Variants in AP2S1 observed in about 807,000 individuals in gnomAD.
AP2S1 encodes AP-2 complex subunit sigma.
A neutral mutation model predicts 21.0 loss-of-function variants in AP2S1; 6 were observed. The observed-to-expected ratio is 0.29, with a 90% CI of 0.16 to 0.56. The LOEUF is 0.56. Among genes scored for constraint, AP2S1 ranks in the 20% least tolerant of loss-of-function variants. The pLI is 0.92. For synonymous variants in AP2S1, 63 were observed against 74.6 expected, an observed-to-expected ratio of 0.84 and a Z score of 0.80; for missense variants, 60 against 186.2, an observed-to-expected ratio of 0.32 and a Z score of 3.95.
chr19:46,848,509 T>A (rs1416062258), intron 1 of AP2S1, among the ~76,000 whole-genome samples: 2 of 152,218 alleles, frequency 1.3e-5, no homozygotes, highest in African/African-American at 2.4e-5. Context: ...GGCCAAAGCT[T>A]ACTCCATTAG....
At chr19:46,842,271 A>G (rs1290261330) in intron 2 of AP2S1, among the ~76,000 whole-genome samples, 1 of 152,054 alleles carries the variant, frequency 6.6e-6, no homozygotes, top group Non-Finnish European at 1.5e-5. Flanking sequence ...CCCTCCAGGA[A>G]GCCCTCCAGA....
In AP2S1 at chr19:46,846,071, A is replaced by G. The variant is rs150080027; in HGVS notation, c.75T>C (p.Asp25=). 1.1e-3 allele frequency: 1,770 copies of G among 1,614,074 alleles called. 6 individuals are homozygous for G. Among genetic ancestry groups the G allele is most frequent in the Admixed American group, 1.9e-3 (111 of 60,000 alleles). The change falls in exon 2 of 5, where the codon GAT becomes GAC. Residue 25 remains aspartate (D), a synonymous_variant. Transcript: ENST00000263270. ...RLAKWYMQFD[D]DEKQKLIEEV... The stretch of plus-strand genomic sequence containing the variant: ...CCTCGATCAGCTTCTGTTTCTCATC[A>G]TCATCAAACTGCATGTACCACTTGG...
chr19:46,842,700 A>G (rs2055545425), intron 2 of AP2S1, among the ~76,000 whole-genome samples: 1 of 151,956 alleles, frequency 6.6e-6, no homozygotes, highest in Non-Finnish European at 1.5e-5. Context: ...ACACAGCCAG[A>G]ACACCCGACA....
At chr19:46,841,813 A>T (rs1349885805) in intron 2 of AP2S1, among the ~76,000 whole-genome samples, 1 of 152,226 alleles carries the variant, frequency 6.6e-6, no homozygotes, top group Non-Finnish European at 1.5e-5. Context: ...TGGGGCGATA[A>T]TCCTGGATGG....
At chr19:46,844,608 G>C (rs1202477745) in intron 2 of AP2S1, among the ~76,000 whole-genome samples, 1 of 149,654 alleles carries the variant, frequency 6.7e-6, no homozygotes, top group Non-Finnish European at 1.5e-5. Context: ...GACCAGCCTG[G>C]GCAACATGGT....
Position 46,838,737 on chromosome 19 carries a change from T to C in AP2S1, c.327+3A>G, listed in dbSNP as rs565613118. On this transcript the variant is annotated splice_donor_region_variant and intron_variant, in intron 4 of 4. Transcript: ENST00000263270. This position sits in a 1 kb window ranked among gnomAD's most constrained non-coding sequence, Gnocchi z 4.1. ...TTCAGCCTCCTCTTCACCAGGAGCC[T>C]ACCTTGTAGAAGTTGAACACCAGGT... The C allele has an allele frequency of 6.2e-7, 1 of 1,612,862 alleles. No individual in the cohort carries two copies. The highest frequency in any genetic ancestry group is 1.1e-5 in the South Asian group (1 of 90,976).
intron 1 of AP2S1, among the ~76,000 whole-genome samples, chr19:46,848,830 A>G (rs1342473098): frequency 6.6e-6 from 1 of 152,058 alleles, no homozygotes; most frequent in Non-Finnish European, 1.5e-5. Context: ...CTCCTGCCTC[A>G]GCCTCCTAAG....
At chr19:46,845,444 AATTC>A (rs2055615012) in intron 2 of AP2S1, among the ~76,000 whole-genome samples, 2 of 132,708 alleles carry the variant, frequency 1.5e-5, no homozygotes, top group East Asian at 2.6e-4. Context: ...TAATTAATTC[AATTC>A]AATCAAATAA....
At chr19:46,839,022 C>A (rs2055462706) in intron 3 of AP2S1, among the ~76,000 whole-genome samples, 1 of 151,956 alleles carries the variant, frequency 6.6e-6, no homozygotes, top group Non-Finnish European at 1.5e-5. Flanking sequence ...CGCGGTGGCT[C>A]ACACCTGTAA....
chr19:46,850,558 G>A, intron 1 of AP2S1: 1 of 607,790 alleles, frequency 1.6e-6, no homozygotes, highest in Non-Finnish European at 2.8e-6. Context: ...AATGCCCGTC[G>A]CCGCGAGACC....
At chr19:46,842,254 A>C (rs1008767074) in intron 2 of AP2S1, among the ~76,000 whole-genome samples, 1 of 151,990 alleles carries the variant, frequency 6.6e-6, no homozygotes, top group Non-Finnish European at 1.5e-5. Context: ...ATCTTCACTC[A>C]CAAGTCCCCT....
intron 3 of AP2S1, 148 bp downstream of exon 3, chr19:46,839,317 A>AT: frequency 3.2e-6 from 2 of 629,452 alleles, no homozygotes; most frequent in South Asian, 2.8e-5. Context: ...AAAAAAAAAA[A>AT]GAAAAAGAAA....
intron 2 of AP2S1, 110 bp downstream of exon 2, chr19:46,845,883 T>C (rs2055622131): frequency 4.2e-6 from 6 of 1,416,944 alleles, no homozygotes; most frequent in East Asian, 2.3e-5. Flanking sequence ...GTGAATGATA[T>C]AGGATGGATA....
intron 2 of AP2S1, among the ~76,000 whole-genome samples, chr19:46,840,076 A>G (rs550548032): frequency 6.6e-6 from 1 of 152,186 alleles, no homozygotes; most frequent in Admixed American, 6.5e-5. Flanking sequence ...CAGCTACTCT[A>G]TGCCAGGCCT....
At chr19:46,839,628 G>C (rs776498216) in intron 2 of AP2S1, 50 bp from the exon 3 acceptor site, 1 of 1,613,092 alleles carries the variant, frequency 6.2e-7, no homozygotes, top group Non-Finnish European at 8.5e-7. Flanking sequence ...GACCTAACGT[G>C]CCAGACAGAG....
chr19:46,849,539 A>G (rs1392960004), intron 1 of AP2S1, among the ~76,000 whole-genome samples: 1 of 152,186 alleles, frequency 6.6e-6, no homozygotes, highest in Non-Finnish European at 1.5e-5. Context: ...TAGGAGAACT[A>G]GAAGCAAACC....
chr19:46,849,074 C>T (rs1251804536), intron 1 of AP2S1, among the ~76,000 whole-genome samples: 2 of 137,644 alleles, frequency 1.5e-5, no homozygotes, highest in Non-Finnish European at 3.1e-5. Context: ...GGCACAATCT[C>T]GGCTCACTGC....
At chr19:46,849,973 T>C (rs1275089089) in intron 1 of AP2S1, among the ~76,000 whole-genome samples, 1 of 152,102 alleles carries the variant, frequency 6.6e-6, no homozygotes, top group Non-Finnish European at 1.5e-5. Flanking sequence ...AGCCCCAACC[T>C]GGGGGATAGG....
Position 46,850,831 on chromosome 19 carries a change from TGCAGTTGTA to T in AP2S1, c.-74_-66del. On this transcript the variant is annotated 5_prime_UTR_variant, in exon 1 of 5. Transcript: ENST00000263270. ...GCGACTGGGCAGCTCCGGCTCAGGG[TGCAGTTGTA>T]GGGCCCAGAGCTAGAGCGGACTTCC... is the stretch of plus-strand genomic sequence containing the variant. The T allele has an allele frequency of 1.3e-6, 2 of 1,492,800 alleles. No individual in the cohort carries two copies. The highest frequency in any genetic ancestry group is 1.8e-6 in the Non-Finnish European group (2 of 1,110,630). The allele number at this position is 1,492,800 out of a possible 1,614,324, so 92.5% of individuals were successfully genotyped here. A position where few individuals can be genotyped will look rare whatever the true frequency, so the allele number is the denominator to read the frequency against.
Sources: gnomAD v4.1 joint callset for allele counts (sites outside exome capture counted in the v4.1 genomes callset) on GRCh38, gnomAD v4.1.1 for gene constraint, Gnocchi (gnomAD v3.1) non-coding constraint, MANE v1.5 for transcripts, NCBI Gene and HGNC (gene_info 2026-07-23, HGNC 2026-07-21) for gene names.